The following GMDS variants were observed in gnomAD, a reference collection of about 807,000 sequenced individuals.
GMDS encodes the protein GDP-mannose 4,6 dehydratase.
A neutral mutation model predicts 49.9 loss-of-function variants in GMDS; 20 were observed. That is an observed-to-expected ratio of 0.40 (90% confidence interval 0.28 to 0.58). The LOEUF is 0.58. GMDS is among the 20% of genes least tolerant of loss of function. The probability of loss-of-function intolerance (pLI) is 0.42; values close to 1 mark genes in which losing one functional copy is unlikely to be tolerated. For missense variants in GMDS, 362 were observed against 481.4 expected (o/e 0.75, Z 2.32); for synonymous variants, 177 against 178.6 (o/e 0.99, Z 0.07).
chr6:1,784,057 A>C (rs1057392523), intron 7 of GMDS, among the ~76,000 whole-genome samples: 1 of 152,224 alleles, frequency 6.6e-6, no homozygotes, highest in Non-Finnish European at 1.5e-5. Flanking sequence ...AGTAAAAAAA[A>C]TTAGGAAATT....
chr6:1,684,067 A>G (rs60238721), intron 9 of GMDS, among the ~76,000 whole-genome samples: 2,699 of 150,352 alleles, frequency 0.018, 101 homozygotes, highest in African/African-American at 0.063. Flanking sequence ...TTTTGCCATC[A>G]GTAGACCTGG....
At chr6:2,043,722 T>C in intron 4 of GMDS, among the ~76,000 whole-genome samples, 1 of 152,194 alleles carries the variant, frequency 6.6e-6, no homozygotes, top group Admixed American at 6.5e-5. Flanking sequence ...ATAAACTTGT[T>C]TTTGAGCTTC....
At position 2,093,101 on chromosome 6, in the gene GMDS, A is replaced by G. The variant is rs73716938; in HGVS notation, c.345+22670T>C. Among the ~76,000 whole-genome samples the G allele has an allele frequency of 8.3e-3, 1,263 of 152,286 alleles. 21 individuals are homozygous for G. Among genetic ancestry groups the G allele is most frequent in the African/African-American group, 0.029 (1,206 of 41,568 alleles). On this transcript the variant is annotated intron_variant, in intron 4 of 10. Transcript: ENST00000380815. Reference sequence around the variant, plus strand: ...GACAAAGCAGGAAACCTATAGTCTCACCACCAAGTCAAATATTTCCATTGT... The same window carrying G: ...GACAAAGCAGGAAACCTATAGTCTCGCCACCAAGTCAAATATTTCCATTGT...
intron 9 of GMDS, among the ~76,000 whole-genome samples, chr6:1,642,959 G>A (rs1763376739): frequency 6.6e-6 from 1 of 152,172 alleles, no homozygotes; most frequent in Admixed American, 6.5e-5. Context: ...AATCTTTGGG[G>A]GCTTTTAAAC....
chr6:2,122,718 A>C (rs1775208273), intron 2 of GMDS, among the ~76,000 whole-genome samples: 1 of 152,202 alleles, frequency 6.6e-6, no homozygotes, highest in Non-Finnish European at 1.5e-5. Flanking sequence ...AAGGATAAAC[A>C]CACTTACAGT....
intron 7 of GMDS, among the ~76,000 whole-genome samples, chr6:1,854,515 G>A (rs1033825855): frequency 1.3e-5 from 2 of 152,306 alleles, no homozygotes; most frequent in South Asian, 4.1e-4. Flanking sequence ...GCTATATGTG[G>A]CAATATCTGG....
At chr6:2,126,682 C>T (rs575065640) in intron 1 of GMDS, among the ~76,000 whole-genome samples, 12 of 152,058 alleles carry the variant, frequency 7.9e-5, no homozygotes, top group South Asian at 2.1e-4. Flanking sequence ...TCACCCAGGC[C>T]GGAGTGCAGT....
intron 7 of GMDS, among the ~76,000 whole-genome samples, chr6:1,764,587 A>C (rs1328793863): frequency 6.6e-6 from 1 of 152,222 alleles, no homozygotes; most frequent in Non-Finnish European, 1.5e-5. Flanking sequence ...GCTGTTATAA[A>C]TGATAATATT....
At chr6:1,718,652 T>C (rs560253518) in intron 9 of GMDS, among the ~76,000 whole-genome samples, 2 of 152,216 alleles carry the variant, frequency 1.3e-5, no homozygotes, top group East Asian at 3.9e-4. Context: ...CCTTATCTCA[T>C]CTATCTTTAA....
chr6:1,672,261 G>A (rs763789148), intron 9 of GMDS, among the ~76,000 whole-genome samples: 5 of 152,190 alleles, frequency 3.3e-5, no homozygotes, highest in African/African-American at 4.8e-5. Flanking sequence ...AAGTGTCCAA[G>A]CCGTGATGCG....
chr6:1,886,285 C>T (rs1247222091), intron 7 of GMDS, among the ~76,000 whole-genome samples: 1 of 152,074 alleles, frequency 6.6e-6, no homozygotes, highest in African/African-American at 2.4e-5. Context: ...CGGAATTTTA[C>T]TCTAACAACT....
intron 1 of GMDS, among the ~76,000 whole-genome samples, chr6:2,178,573 C>G (rs1778387235): frequency 6.6e-6 from 1 of 152,096 alleles, no homozygotes; most frequent in African/African-American, 2.4e-5. Context: ...GGGTTCCAAT[C>G]CAACATAAGA....
Position 1,747,472 on chromosome 6 carries a change from ACGCTCATGCGTGTG to A in GMDS, c.772-4900_772-4887del, listed in dbSNP as rs996781443. 9.3e-3 allele frequency among the ~76,000 whole-genome samples: 48 copies of A among 5,136 alleles called. 1 individual carries two copies. Among genetic ancestry groups the A allele is most frequent in the South Asian group, 0.093 (5 of 54 alleles). 3.4% of individuals were successfully genotyped at this position (5,136 alleles called of 152,430 possible). A position where few individuals can be genotyped will look rare whatever the true frequency, so the allele number is the denominator to read the frequency against. Reference sequence around the variant, plus strand: ...AAACCTTAAAACTACACACACACACACGCTCATGCGTGTGCGCGCACACACACACACACACACTT... The same window carrying A: ...AAACCTTAAAACTACACACACACACACGCGCACACACACACACACACACTT... On this transcript the variant is annotated intron_variant, in intron 7 of 10. Transcript: ENST00000380815.
chr6:1,880,375 T>C (rs1304461694), intron 7 of GMDS, among the ~76,000 whole-genome samples: 3 of 151,820 alleles, frequency 2.0e-5, no homozygotes, highest in Non-Finnish European at 4.4e-5. Flanking sequence ...GAAGGACTTC[T>C]TGAGCCCAGG....
intron 5 of GMDS, among the ~76,000 whole-genome samples, chr6:1,960,237 C>T (rs1343023237): frequency 6.6e-6 from 1 of 152,170 alleles, no homozygotes; most frequent in South Asian, 2.1e-4. Flanking sequence ...ATCTTTTTCT[C>T]TCTCATTCTC....
chr6:1,830,312 T>G (rs1771297211), intron 7 of GMDS, among the ~76,000 whole-genome samples: 1 of 152,212 alleles, frequency 6.6e-6, no homozygotes, highest in Non-Finnish European at 1.5e-5. Context: ...TTGTGGAGTC[T>G]GTCTTATGCA....
intron 1 of GMDS, among the ~76,000 whole-genome samples, chr6:2,161,210 C>T (rs1238570653): frequency 6.6e-6 from 1 of 151,900 alleles, no homozygotes; most frequent in Non-Finnish European, 1.5e-5. Context: ...GGGATTTCAC[C>T]ATGTTCACCA....
intron 9 of GMDS, among the ~76,000 whole-genome samples, chr6:1,706,641 G>C (rs1289501823): frequency 6.6e-6 from 1 of 152,190 alleles, no homozygotes; most frequent in Admixed American, 6.5e-5. Context: ...AGTTTTGCTG[G>C]AACGAGGCTG....
intron 8 of GMDS, among the ~76,000 whole-genome samples, chr6:1,737,648 C>A (rs1465214084): frequency 1.4e-5 from 2 of 146,770 alleles, no homozygotes; most frequent in Non-Finnish European, 3.0e-5. Flanking sequence ...CACATACATA[C>A]ACATACACAC....
Sources: gnomAD v4.1 joint callset for allele counts (sites outside exome capture counted in the v4.1 genomes callset) on GRCh38, gnomAD v4.1.1 for gene constraint, MANE v1.5 for transcripts, NCBI Gene and HGNC (gene_info 2026-07-23, HGNC 2026-07-21) for gene names.